CCDC102B: variants seen among roughly 807,000 people sequenced by gnomAD.
The protein encoded by CCDC102B is coiled-coil domain-containing protein 102B.
CCDC102B carries 75 observed loss-of-function variants against 57.4 expected under a neutral mutation model. The ratio of observed to expected loss-of-function variants is 1.31; its 90% CI spans 1.08 to 1.58. The LOEUF is 1.58. CCDC102B is among the 40% of genes most tolerant of loss of function. The probability of loss-of-function intolerance (pLI) is 0.00; values close to 1 mark genes in which losing one functional copy is unlikely to be tolerated. For synonymous variants in CCDC102B, 206 were observed against 201.9 expected, an observed-to-expected ratio of 1.02 and a Z score of -0.17; for missense variants, 636 against 582.6, an observed-to-expected ratio of 1.09 and a Z score of -0.94.
At chr18:68,850,382 A>G (rs1011044530) in intron 4 of CCDC102B, among the ~76,000 whole-genome samples, 1 of 152,058 alleles carries the variant, frequency 6.6e-6, no homozygotes, top group Non-Finnish European at 1.5e-5. Context: ...TCTCCCCGCC[A>G]TGGAACTCTT....
intron 4 of CCDC102B, among the ~76,000 whole-genome samples, chr18:68,868,604 G>C (rs1384539428): frequency 6.6e-6 from 1 of 152,010 alleles, no homozygotes; most frequent in African/African-American, 2.4e-5. Context: ...TCCTTCTTAC[G>C]TTCCTCACCT....
chr18:68,893,436 T>C (rs2145003067), intron 5 of CCDC102B, among the ~76,000 whole-genome samples: 1 of 152,284 alleles, frequency 6.6e-6, no homozygotes, highest in Middle Eastern at 3.4e-3. Context: ...GGAGAAGTCC[T>C]TTTCATGTTA....
intron 1 of CCDC102B, among the ~76,000 whole-genome samples, chr18:68,818,693 T>C (rs1439532056): frequency 6.6e-6 from 1 of 152,220 alleles, no homozygotes; most frequent in Non-Finnish European, 1.5e-5. Context: ...CCTCCAACTG[T>C]AGCAATAGTT....
chr18:68,951,468 A>T (rs142928641), intron 6 of CCDC102B, among the ~76,000 whole-genome samples: 2 of 152,276 alleles, frequency 1.3e-5, no homozygotes, highest in African/African-American at 4.8e-5. Flanking sequence ...TGAAAATATT[A>T]ACTAGTAGAA....
chr18:68,810,103 A>G (rs1338800981), intron 1 of CCDC102B, among the ~76,000 whole-genome samples: 1 of 152,210 alleles, frequency 6.6e-6, no homozygotes, highest in African/African-American at 2.4e-5. Flanking sequence ...ATTAATATTT[A>G]GAGATAGATT....
chr18:68,973,995 G>T (rs2050369640), intron 6 of CCDC102B, among the ~76,000 whole-genome samples: 1 of 152,046 alleles, frequency 6.6e-6, no homozygotes, highest in South Asian at 2.1e-4. Context: ...CTATATAAGT[G>T]ATATAAAAAA....
intron 4 of CCDC102B, among the ~76,000 whole-genome samples, chr18:68,861,758 G>T (rs1221522854): frequency 6.6e-6 from 1 of 152,108 alleles, no homozygotes; most frequent in African/African-American, 2.4e-5. Context: ...GGCCCCCAGG[G>T]TTCTCTCTCT....
At chr18:68,836,496 C>T (rs1411359059) in intron 1 of CCDC102B, among the ~76,000 whole-genome samples, 3 of 151,914 alleles carry the variant, frequency 2.0e-5, no homozygotes, top group East Asian at 3.9e-4. Context: ...GGCGTGGTTG[C>T]GCATGCCTGT....
chr18:68,882,592 A>G (rs573522368), intron 5 of CCDC102B, among the ~76,000 whole-genome samples: 165 of 152,358 alleles, frequency 1.1e-3, no homozygotes, highest in African/African-American at 3.9e-3. Flanking sequence ...TAAATAAGCC[A>G]AGAATGTAAC....
chr18:68,958,612 A>G (rs2049967823), intron 6 of CCDC102B, among the ~76,000 whole-genome samples: 1 of 151,966 alleles, frequency 6.6e-6, no homozygotes, highest in Non-Finnish European at 1.5e-5. Flanking sequence ...TCTCTACCTC[A>G]TCTTTAAGGC....
intron 6 of CCDC102B, among the ~76,000 whole-genome samples, chr18:68,956,360 A>ATATTAATATATATT (rs1568351914): frequency 1.3e-5 from 1 of 74,942 alleles, no homozygotes; most frequent in African/African-American, 5.3e-5. Context: ...TAATATATAT[A>ATATTAATATATATT]ATATATATAT....
intron 6 of CCDC102B, among the ~76,000 whole-genome samples, chr18:68,987,486 G>C (rs1465984767): frequency 1.3e-5 from 2 of 152,072 alleles, no homozygotes; most frequent in African/African-American, 4.8e-5. Context: ...ACCTTTCTCA[G>C]CGTCAACCTT....
intron 4 of CCDC102B, among the ~76,000 whole-genome samples, chr18:68,868,490 G>A (rs554597383): frequency 6.6e-5 from 10 of 152,264 alleles, no homozygotes; most frequent in African/African-American, 2.4e-4. Flanking sequence ...CCCATTTGAA[G>A]ACTTCTCTGT....
At chr18:68,934,539 T>C (rs548504442) in intron 6 of CCDC102B, among the ~76,000 whole-genome samples, 2 of 152,116 alleles carry the variant, frequency 1.3e-5, no homozygotes, top group South Asian at 4.1e-4. Flanking sequence ...GATTTAAGTT[T>C]GGCCCAGGTA....
intron 6 of CCDC102B, among the ~76,000 whole-genome samples, chr18:68,949,336 C>T (rs908068381): frequency 2.6e-5 from 4 of 152,054 alleles, no homozygotes; most frequent in Non-Finnish European, 5.9e-5. Context: ...AACTGCTGTG[C>T]CTTTTGGATA....
At chr18:68,751,805 G>A (rs1364009303) in intron 2 of CCDC102B, among the ~76,000 whole-genome samples, 1 of 152,102 alleles carries the variant, frequency 6.6e-6, no homozygotes, top group Non-Finnish European at 1.5e-5. Flanking sequence ...CAACATTCAG[G>A]AAGATAATGA....
rs530083878 is a variant in CCDC102B, at chr18:68,905,940, C to T, written c.1263+8512C>T. Among the ~76,000 whole-genome samples, 165 of 151,648 alleles carry T rather than the reference C, an allele frequency of 1.1e-3. 1 individual carries two copies. The highest frequency in any genetic ancestry group is 3.8e-3 in the African/African-American group (156 of 41,346). On this transcript the variant is annotated intron_variant, in intron 6 of 7. Transcript: ENST00000360242. ...TCCCAGGTAGCTGGGACTACAGGCG[C>T]CCGCCACCACGCCCGGCTAATTTTT...
At chr18:68,752,449 TAAAGAAA>T (rs2033891379) in intron 2 of CCDC102B, among the ~76,000 whole-genome samples, 1 of 94,448 alleles carries the variant, frequency 1.1e-5, no homozygotes, top group African/African-American at 4.2e-5. Flanking sequence ...TAAAAATAAA[TAAAGAAA>T]AAAGAAAACA....
intron 6 of CCDC102B, among the ~76,000 whole-genome samples, chr18:68,914,494 A>T (rs916473252): frequency 2.6e-5 from 4 of 152,224 alleles, no homozygotes; most frequent in Non-Finnish European, 5.9e-5. Context: ...TTTATAAAGC[A>T]TGCAATCATC....
Sources: gnomAD v4.1 joint callset for allele counts (sites outside exome capture counted in the v4.1 genomes callset) on GRCh38, gnomAD v4.1.1 for gene constraint, MANE v1.5 for transcripts, NCBI Gene and HGNC (gene_info 2026-07-23, HGNC 2026-07-21) for gene names.